ACACA: variants seen among roughly 807,000 people sequenced by gnomAD.
ACACA encodes acetyl-CoA carboxylase 1.
Under a neutral mutation model 296.1 loss-of-function variants are expected in ACACA, and 103 were observed. The ratio of observed to expected loss-of-function variants is 0.35; its 90% confidence interval spans 0.30 to 0.41. The LOEUF (loss-of-function observed/expected upper bound fraction) is 0.41, where lower values mean the gene tolerates loss of function less well. Ranked by LOEUF, ACACA falls within the 10% of genes least tolerant of loss-of-function variation. The probability of loss-of-function intolerance (pLI) is 1.00; values close to 1 mark genes in which losing one functional copy is unlikely to be tolerated. For synonymous variants in ACACA, 953 were observed against 1,038.6 expected, an observed-to-expected ratio of 0.92 and a Z score of 1.58; for missense variants, 1,554 against 2,989.7, an observed-to-expected ratio of 0.52 and a Z score of 11.20.
chr17:37,290,883 C>T (rs2083018290), intron 3 of ACACA, among the ~76,000 whole-genome samples: 1 of 151,924 alleles, frequency 6.6e-6, no homozygotes, highest in Non-Finnish European at 1.5e-5. Context: ...GATATCAAGG[C>T]CATCCTGGCC....
intron 36 of ACACA, among the ~76,000 whole-genome samples, chr17:37,193,131 C>T (rs1230978689): frequency 6.6e-6 from 1 of 152,118 alleles, no homozygotes; most frequent in African/African-American, 2.4e-5. Flanking sequence ...TTCTACAGGA[C>T]AAGGATGATT....
At chr17:37,370,132 G>A (rs1365694594) in intron 1 of ACACA, among the ~76,000 whole-genome samples, 1 of 149,670 alleles carries the variant, frequency 6.7e-6, no homozygotes, top group Non-Finnish European at 1.5e-5. Context: ...TCAGACTCCT[G>A]AGTAGCTGCA....
intron 45 of ACACA, chr17:37,144,089 G>A: frequency 1.3e-6 from 1 of 762,286 alleles, no homozygotes; most frequent in Non-Finnish European, 2.4e-6. Context: ...CTTTCATAAT[G>A]GGTCTTGTCT....
intron 47 of ACACA, among the ~76,000 whole-genome samples, chr17:37,127,306 G>T (rs887128924): frequency 6.6e-6 from 1 of 151,948 alleles, no homozygotes; most frequent in Non-Finnish European, 1.5e-5. Context: ...TCAATAACAG[G>T]GATTTGGAAC....
chr17:37,334,902 A>G (rs1419482105), intron 2 of ACACA, among the ~76,000 whole-genome samples: 1 of 152,128 alleles, frequency 6.6e-6, no homozygotes, highest in Non-Finnish European at 1.5e-5. Context: ...CACAACTGCT[A>G]TAACTCTGCC....
intron 1 of ACACA, among the ~76,000 whole-genome samples, chr17:37,341,356 T>C (rs1325545817): frequency 3.3e-5 from 5 of 152,222 alleles, no homozygotes; most frequent in Non-Finnish European, 2.9e-5. Flanking sequence ...TATATATAGG[T>C]CATGATGTAA....
chr17:37,183,312 G>A (rs1163018259), intron 39 of ACACA, among the ~76,000 whole-genome samples: 2 of 152,070 alleles, frequency 1.3e-5, no homozygotes, highest in Non-Finnish European at 2.9e-5. Flanking sequence ...AAATTTAAAT[G>A]GTACAAATAT....
chr17:37,137,899 A>G (rs1198668816), intron 45 of ACACA, among the ~76,000 whole-genome samples: 1 of 152,242 alleles, frequency 6.6e-6, no homozygotes. Context: ...AAGTTACTCA[A>G]AAGTTGATTA....
intron 3 of ACACA, among the ~76,000 whole-genome samples, chr17:37,306,869 TG>T (rs1439194385): frequency 3.9e-5 from 6 of 152,148 alleles, no homozygotes; most frequent in African/African-American, 1.2e-4. Flanking sequence ...TAATTTTTTT[TG>T]TATTTTTACT....
chr17:37,329,117 AAG>A, intron 3 of ACACA: 1 of 395,816 alleles, frequency 2.5e-6, no homozygotes, highest in Middle Eastern at 6.3e-4. Flanking sequence ...TCTAGAGAAA[AAG>A]GAGAGCTCTA....
In ACACA at chr17:37,229,143, C is replaced by CAA. The variant is rs11454831; in HGVS notation, c.3247-2693_3247-2692dup. Among the ~76,000 whole-genome samples the CAA allele has an allele frequency of 1.7e-4, 18 of 106,208 alleles. 1 individual carries two copies. The highest frequency in any genetic ancestry group is 3.2e-4 in the South Asian group (1 of 3,094). The allele number at this position is 106,208 out of a possible 152,430, so 69.7% of individuals were successfully genotyped here. A position where few individuals can be genotyped will look rare whatever the true frequency, so the allele number is the denominator to read the frequency against. On this transcript the variant is annotated intron_variant, in intron 25 of 55. Coordinates refer to ENST00000616317, the MANE Select transcript of ACACA (RefSeq NM_198834.3). ...TGGGCAACAGAGCGAGACTCCGTCT[C>CAA]AAAAAAAAAAAAAAAGCACACTAAT...
At chr17:37,370,735 C>T (rs1220881688) in intron 1 of ACACA, among the ~76,000 whole-genome samples, 3 of 151,850 alleles carry the variant, frequency 2.0e-5, no homozygotes, top group Non-Finnish European at 4.4e-5. Flanking sequence ...GTAATCCCTG[C>T]ACTTTGGGAG....
At chr17:37,361,887 T>C (rs1190034889) in intron 1 of ACACA, among the ~76,000 whole-genome samples, 1 of 152,244 alleles carries the variant, frequency 6.6e-6, no homozygotes, top group East Asian at 1.9e-4. Flanking sequence ...TAGAAGCTGA[T>C]ACTAGAGGTC....
At chr17:37,351,957 G>A (rs1182779897) in intron 1 of ACACA, among the ~76,000 whole-genome samples, 1 of 140,196 alleles carries the variant, frequency 7.1e-6, no homozygotes, top group Non-Finnish European at 1.5e-5. Context: ...TTGAGACAGA[G>A]TCTTGCTCTG....
chr17:37,363,609 A>G (rs1003646620), intron 1 of ACACA, among the ~76,000 whole-genome samples: 1 of 152,142 alleles, frequency 6.6e-6, no homozygotes, highest in African/African-American at 2.4e-5. Context: ...AAGGCCTTCA[A>G]TACCTGTCAC....
At chr17:37,101,793 T>G (rs1270297202) in intron 52 of ACACA, among the ~76,000 whole-genome samples, 1 of 152,208 alleles carries the variant, frequency 6.6e-6, no homozygotes, top group Non-Finnish European at 1.5e-5. Context: ...TTAAGAGTTG[T>G]GTCTCTTGTT....
chr17:37,381,840 G>A lies in ACACA; in HGVS notation c.38+24422C>T, dbSNP rs1053573394. Among the ~76,000 whole-genome samples the A allele has an allele frequency of 3.3e-5, 5 of 151,562 alleles. No homozygotes were observed. The South Asian group carries it at 1.0e-3, about 31-fold the overall frequency. On this transcript the variant is annotated intron_variant, in intron 1 of 55. Coordinates refer to ENST00000616317, the MANE Select transcript of ACACA (RefSeq NM_198834.3). Reference sequence around the variant, plus strand: ...GATGGGGTTTCACCGTGTTGGCCAGGATGGTCTCGATCGCCTGACCTTGTG... The same window carrying A: ...GATGGGGTTTCACCGTGTTGGCCAGAATGGTCTCGATCGCCTGACCTTGTG...
chr17:37,113,384 GC>G lies in ACACA; in HGVS notation c.6275-120del. 1.9e-6 allele frequency: 2 copies of G among 1,028,564 alleles called. No homozygotes were observed. The highest frequency in any genetic ancestry group is 3.0e-6 in the Non-Finnish European group (2 of 674,040). The allele number at this position is 1,028,564 out of a possible 1,614,324, so 63.7% of individuals were successfully genotyped here. A position where few individuals can be genotyped will look rare whatever the true frequency, so the allele number is the denominator to read the frequency against. ...CTCCTTATACTATGCCTCCTGTTTG[GC>G]CACCCTATAGACTAAAGGGAGTATC... On this transcript the variant is annotated intron_variant, in intron 50 of 55. Coordinates refer to ENST00000616317, the MANE Select transcript of ACACA (RefSeq NM_198834.3). The surrounding 1 kb of genome is among the most constrained non-coding windows in gnomAD (Gnocchi z 4.0).
chr17:37,337,415 C>CA (rs71159702), intron 2 of ACACA, among the ~76,000 whole-genome samples: 25,203 of 94,026 alleles, frequency 0.27, 2,654 homozygotes, highest in Admixed American at 0.4. Flanking sequence ...GACCCTGTCT[C>CA]AAAAAAAAAA....
Sources: allele counts gnomAD v4.1 joint callset (sites outside exome capture counted in the v4.1 genomes callset), GRCh38; gene constraint gnomAD v4.1.1; non-coding constraint Gnocchi (gnomAD v3.1); transcripts MANE v1.5; gene names NCBI Gene and HGNC (gene_info 2026-07-23, HGNC 2026-07-21).